CLUH: variants seen among roughly 807,000 people sequenced by gnomAD.
CLUH encodes CLUH binding protein of NUMT mRNA, also known as clustered mitochondria protein homolog.
In CLUH, 77 loss-of-function variants were observed where a neutral mutation model predicts 139.3. The observed-to-expected ratio is 0.55, with a 90% CI of 0.46 to 0.67. The LOEUF (loss-of-function observed/expected upper bound fraction) is 0.67. Ranked by LOEUF, CLUH falls within the 30% of genes least tolerant of loss-of-function variation. The pLI is 0.00. For synonymous variants in CLUH, 999 were observed against 801.6 expected, an observed-to-expected ratio of 1.25 and a Z score of -4.16; for missense variants, 1,876 against 1,875.8, an observed-to-expected ratio of 1.00 and a Z score of 0.00.
At position 2,706,963 on chromosome 17, in the gene CLUH, A is replaced by G. The variant is rs2070369610; in HGVS notation, c.101-2399T>C. On this transcript the variant is annotated intron_variant, in intron 1 of 25. Transcript: ENST00000651024. This position sits in a 1 kb window ranked among gnomAD's most constrained non-coding sequence, Gnocchi z 4.6. Reference sequence around the variant, plus strand: ...GCCGCGGCTCCCACTCTCCTTCCCCAGCCCAGGGAGACGACCCTCAGGGGG... The same window carrying G: ...GCCGCGGCTCCCACTCTCCTTCCCCGGCCCAGGGAGACGACCCTCAGGGGG... Among the ~76,000 whole-genome samples the G allele has an allele frequency of 6.6e-6, 1 of 152,206 alleles. No homozygotes were observed. Among genetic ancestry groups the G allele is most frequent in the Non-Finnish European group, 1.5e-5 (1 of 68,028 alleles).
intron 23 of CLUH, 26 bp from the exon 24 acceptor site, chr17:2,691,921 G>GC (rs5818873): frequency 1.9e-5 from 28 of 1,437,510 alleles, no homozygotes; most frequent in East Asian, 1.4e-4. Flanking sequence ...AAGGGATCAG[G>GC]CCCCCCCGTG....
At position 2,690,716 on chromosome 17, in the gene CLUH, T is replaced by C. The variant is rs768772679; in HGVS notation, c.3925A>G (p.Ser1309Gly). 1.3e-6 allele frequency: 2 copies of C among 1,560,026 alleles called. No homozygotes were observed. The highest frequency in any genetic ancestry group is 1.7e-6 in the Non-Finnish European group (2 of 1,160,184). ...VARRHQLQEASRNRDRAEEPM... is the reference protein window; with the variant it reads ...VARRHQLQEAGRNRDRAEEPM... Reference sequence around the variant, plus strand: ...TCCTCGGCTCTATCCCTGTTTCTGCTGGCCTCCTGGAGCTGGTGCCGCCGC... The same window carrying C: ...TCCTCGGCTCTATCCCTGTTTCTGCCGGCCTCCTGGAGCTGGTGCCGCCGC... Residue 1309 changes from serine (S) to glycine (G), a missense_variant, in exon 26 of 26, where the codon AGC (serine) becomes GGC (glycine). Ser to Gly is a moderately conservative substitution (Grantham distance 56). Transcript: ENST00000651024.
At position 2,694,875 on chromosome 17, in the gene CLUH, A is replaced by G; in HGVS notation, c.2834T>C (p.Phe945Ser). The change falls in exon 16 of 26, where the codon TTT becomes TCT. Residue 945 changes from phenylalanine (F) to serine (S), a missense_variant. Physicochemically the swap from Phe to Ser is radical, Grantham distance 155. This residue lies in a region of CLUH where 1,454 missense variants were observed against 1,384.4 expected (regional missense o/e 1.05). Transcript: ENST00000651024. Reference sequence around the variant, plus strand: ...CACGCACCACTCGAGGTCGAAGTCAAAGTAGTTCTTGGCCTCCTGGCAGAT... The same window carrying G: ...CACGCACCACTCGAGGTCGAAGTCAGAGTAGTTCTTGGCCTCCTGGCAGAT... ...KNICQEAKNYFDFDLECETVD... is the reference protein window; with the variant it reads ...KNICQEAKNYSDFDLECETVD... 6.4e-7 allele frequency: 1 copy of G among 1,551,752 alleles called. No homozygotes were observed. Among genetic ancestry groups the G allele is most frequent in the Non-Finnish European group, 8.7e-7 (1 of 1,146,576 alleles).
rs759449418 is a variant in CLUH, at chr17:2,696,938, G to A, written c.1966C>T (p.Leu656Phe). 166 of 1,578,102 alleles carry A rather than the reference G, an allele frequency of 1.1e-4. No homozygotes were observed. The highest frequency in any genetic ancestry group is 1.3e-4 in the Non-Finnish European group (152 of 1,162,598). ...AAGGCGGCCAGCTTCATAAAGAGGA[G>A]GTACCTGGAGCAGAGGAAACAGGGC... ...LVDAFVEHRYLLFMKLAALQL... is the reference protein window; with the variant it reads ...LVDAFVEHRYFLFMKLAALQL... Residue 656 changes from leucine to phenylalanine, a missense_variant, in exon 11 of 26, where the codon CTC (leucine) becomes TTC (phenylalanine). By Grantham distance (22) the Leu-to-Phe change is conservative. Transcript: ENST00000651024.
rs2070294349 is a variant in CLUH, at chr17:2,704,610, G to A, written c.101-46C>T. 4.0e-6 allele frequency: 6 copies of A among 1,490,218 alleles called. No homozygotes were observed. The highest frequency in any genetic ancestry group is 2.3e-4 in the Middle Eastern group (1 of 4,308). 92.3% of individuals were successfully genotyped at this position (1,490,218 alleles called of 1,614,324 possible). On this transcript the variant is annotated intron_variant, in intron 1 of 25. Coordinates refer to ENST00000651024, the MANE Select transcript of CLUH (RefSeq NM_001366661.1). This position sits in a 1 kb window ranked among gnomAD's most constrained non-coding sequence, Gnocchi z 5.7. Reference sequence around the variant, plus strand: ...TCAGAATCAGGCAGCCTCGCTGGTCGGCGGGGCTGTCCGCCTGACCCCACA... The same window carrying A: ...TCAGAATCAGGCAGCCTCGCTGGTCAGCGGGGCTGTCCGCCTGACCCCACA...
rs1396045346 is a variant in CLUH, at chr17:2,698,263, G to A, written c.1594C>T (p.Arg532Trp). ...AQSIIPGILE[R>W]DQEQSVIYGS... is the part of the protein sequence containing the mutation. ...TAGATGACGCTCTGCTCCTGGTCCC[G>A]CTCCAGGATGCCGGGGATGATGGAC... The change falls in exon 10 of 26, where the codon CGG becomes TGG. Residue 532 changes from arginine (R) to tryptophan (W), a missense_variant. Arg to Trp is a moderately radical substitution (Grantham distance 101). This residue lies in a region of CLUH where 1,454 missense variants were observed against 1,384.4 expected (regional missense o/e 1.05). Coordinates refer to ENST00000651024, the MANE Select transcript of CLUH (RefSeq NM_001366661.1). 1.9e-6 allele frequency: 3 copies of A among 1,608,406 alleles called. No homozygotes were observed. Among genetic ancestry groups the A allele is most frequent in the Admixed American group, 3.4e-5 (2 of 59,302 alleles).
At chr17:2,695,668 GC>G in intron 13 of CLUH, 142 bp from the exon 14 acceptor site, 2 of 1,152,878 alleles carry the variant, frequency 1.7e-6, no homozygotes, top group Non-Finnish European at 2.4e-6. Context: ...GTCAGAATGT[GC>G]CCAGCCTCTG....
At position 2,692,865 on chromosome 17, in the gene CLUH, G is replaced by A. The variant is rs1485517029; in HGVS notation, c.3232-5C>T. 1.3e-6 allele frequency: 2 copies of A among 1,585,622 alleles called. No homozygotes were observed. Among genetic ancestry groups the A allele is most frequent in the Non-Finnish European group, 1.7e-6 (2 of 1,163,684 alleles). On this transcript the variant is annotated splice_region_variant and splice_polypyrimidine_tract_variant and intron_variant, in intron 19 of 25. Transcript: ENST00000651024. The stretch of plus-strand genomic sequence containing the variant: ...CTTCTGCTGGTTACTCAGGGCCTGG[G>A]GAGAGACAGTGGTGGTTGCCGCGGC...
In CLUH at chr17:2,695,273, C is replaced by G; in HGVS notation, c.2552G>C (p.Gly851Ala). 2 of 1,613,864 alleles carry G rather than the reference C, an allele frequency of 1.2e-6. No individual in the cohort carries two copies. Among genetic ancestry groups the G allele is most frequent in the African/African-American group, 2.7e-5 (2 of 75,060 alleles). ...RHQLDHVFKI[G>A]IGELITRSAK... ...CGAGCGGGTGATGAGTTCTCCAATG[C>G]CGATTTTCTGGAAGGATTCAGAAGG... The change falls in exon 15 of 26, where the codon GGC becomes GCC. Residue 851 changes from glycine to alanine, a missense_variant. This residue lies in a region of CLUH where 1,454 missense variants were observed against 1,384.4 expected (regional missense o/e 1.05). Coordinates refer to ENST00000651024, the MANE Select transcript of CLUH (RefSeq NM_001366661.1).
chr17:2,704,251 G>T lies in CLUH; in HGVS notation c.303+111C>A. 8.4e-7 allele frequency: 1 copy of T among 1,186,254 alleles called. No individual in the cohort carries two copies. Among genetic ancestry groups the T allele is most frequent in the Non-Finnish European group, 1.2e-6 (1 of 851,404 alleles). 73.5% of individuals were successfully genotyped at this position (1,186,254 alleles called of 1,614,324 possible). A position where few individuals can be genotyped will look rare whatever the true frequency, so the allele number is the denominator to read the frequency against. On this transcript the variant is annotated intron_variant, in intron 2 of 25. Transcript: ENST00000651024. This position sits in a 1 kb window ranked among gnomAD's most constrained non-coding sequence, Gnocchi z 5.7. ...CTCTAGGGAGGGCACGGGATCCTCA[G>T]TTTCCTGCCACAAAATGGGGCCGGT...
At chr17:2,700,870 C>G in intron 7 of CLUH, 45 bp from the exon 8 acceptor site, 1 of 1,505,992 alleles carries the variant, frequency 6.6e-7, no homozygotes, top group Non-Finnish European at 8.8e-7. Context: ...CCACCAAGCT[C>G]AGAGCCCTTC....
chr17:2,701,811 G>C, intron 4 of CLUH, 74 bp from the exon 5 acceptor site: 1 of 1,568,778 alleles, frequency 6.4e-7, no homozygotes, highest in Non-Finnish European at 8.6e-7. Context: ...TGATGGCCGT[G>C]GTCCGGGTGC....
In CLUH at chr17:2,695,254, G is replaced by C; in HGVS notation, c.2571C>G (p.Thr857=). ...VFKIGIGELI[T]RSAKHIFKTY... ...TCTTGAAGATGTGCTTGGCCGAGCG[G>C]GTGATGAGTTCTCCAATGCCGATTT... The change falls in exon 15 of 26, where the codon ACC becomes ACG. Residue 857 remains threonine (T), a synonymous_variant. Coordinates refer to ENST00000651024, the MANE Select transcript of CLUH (RefSeq NM_001366661.1). 6.2e-7 allele frequency: 1 copy of C among 1,613,904 alleles called. No homozygotes were observed. The highest frequency in any genetic ancestry group is 8.5e-7 in the Non-Finnish European group (1 of 1,179,858).
Position 2,695,214 on chromosome 17 carries a change from G to A in CLUH, c.2607+4C>T. 3 of 1,613,876 alleles carry A rather than the reference G, an allele frequency of 1.9e-6. No homozygotes were observed. The highest frequency in any genetic ancestry group is 2.5e-6 in the Non-Finnish European group (3 of 1,179,850). The stretch of plus-strand genomic sequence containing the variant: ...TGGCCAGCCGCAGAGCGGACGGGTG[G>A]CACCTGTAAGTACGTCTTGAAGATG... On this transcript the variant is annotated splice_donor_region_variant and intron_variant, in intron 15 of 25. Transcript: ENST00000651024.
At chr17:2,693,110 A>T (rs1424703900) in intron 19 of CLUH, among the ~76,000 whole-genome samples, 3 of 144,454 alleles carry the variant, frequency 2.1e-5, no homozygotes, top group Non-Finnish European at 4.5e-5. Context: ...ACAAACACCC[A>T]AATACAAACC....
In CLUH at chr17:2,693,999, C is replaced by T. The variant is rs372123827; in HGVS notation, c.3132G>A (p.Leu1044=). The change falls in exon 19 of 26, where the codon CTG becomes CTA. Residue 1044 remains leucine, a synonymous_variant. Coordinates refer to ENST00000651024, the MANE Select transcript of CLUH (RefSeq NM_001366661.1). ...CTCCGTAGACGTTGTTAAACAGGTT[C>T]AGGGCCTCATTGATGAGCTCACAGC... ...KEGCELINEA[L]NLFNNVYGAM... The T allele has an allele frequency of 6.8e-6, 11 of 1,613,912 alleles. No individual in the cohort carries two copies. The highest frequency in any genetic ancestry group is 7.6e-6 in the Non-Finnish European group (9 of 1,179,840).
rs1597616954 is a variant in CLUH at position 2,700,660 on chromosome 17, G to A, written c.1173+18C>T. 2 of 1,518,198 alleles carry A rather than the reference G, an allele frequency of 1.3e-6. No individual in the cohort carries two copies. Among genetic ancestry groups the A allele is most frequent in the Non-Finnish European group, 1.8e-6 (2 of 1,137,456 alleles). The allele number at this position is 1,518,198 out of a possible 1,614,324, so 94.0% of individuals were successfully genotyped here. ...AGGGCAGGGGTGCCCAGCGAGGGCA[G>A]GGCCAGGTTGCAGGCACCTGTCCAG... On this transcript the variant is annotated intron_variant, in intron 8 of 25. Transcript: ENST00000651024.
In CLUH at chr17:2,694,877, G is replaced by A; in HGVS notation, c.2832C>T (p.Tyr944=). 2 of 1,427,726 alleles carry A rather than the reference G, an allele frequency of 1.4e-6. No homozygotes were observed. Among genetic ancestry groups the A allele is most frequent in the Admixed American group, 2.1e-5 (1 of 47,202 alleles). 88.4% of individuals were successfully genotyped at this position (1,427,726 alleles called of 1,614,324 possible). A position where few individuals can be genotyped will look rare whatever the true frequency, so the allele number is the denominator to read the frequency against. The change falls in exon 16 of 26, where the codon TAC becomes TAT. Residue 944 remains tyrosine, a synonymous_variant. Coordinates refer to ENST00000651024, the MANE Select transcript of CLUH (RefSeq NM_001366661.1). ...CGCACCACTCGAGGTCGAAGTCAAA[G>A]TAGTTCTTGGCCTCCTGGCAGATGT... The part of the protein sequence containing the change: ...WKNICQEAKN[Y]FDFDLECETV...
intron 8 of CLUH, 28 bp downstream of exon 8, chr17:2,700,650 A>C: frequency 2.0e-6 from 3 of 1,516,788 alleles, no homozygotes; most frequent in Non-Finnish European, 2.6e-6. Context: ...AGGGGTGCCC[A>C]GCGAGGGCAG....
Sources: gnomAD v4.1 joint callset for allele counts (sites outside exome capture counted in the v4.1 genomes callset) on GRCh38, gnomAD v4.1.1 for gene constraint, gnomAD v4.1.1 regional missense constraint, Gnocchi (gnomAD v3.1) non-coding constraint, MANE v1.5 for transcripts, NCBI Gene and HGNC (gene_info 2026-07-23, HGNC 2026-07-21) for gene names.